Variants in BCKDHB observed in about 807,000 individuals in gnomAD.
BCKDHB encodes branched chain keto acid dehydrogenase E1 subunit beta.
In BCKDHB, 41 loss-of-function variants were observed where a neutral mutation model predicts 48.5. That is an observed-to-expected ratio of 0.85 (90% confidence interval 0.66 to 1.10). BCKDHB has a LOEUF of 1.10. Ranked by LOEUF, BCKDHB falls within the 50% of genes least tolerant of loss-of-function variation. The probability of loss-of-function intolerance (pLI) is 0.00; values close to 1 mark genes in which losing one functional copy is unlikely to be tolerated. For missense variants in BCKDHB, 496 were observed against 494.2 expected (o/e 1.00, Z -0.03); for synonymous variants, 201 against 174.8 (o/e 1.15, Z -1.18).
intron 6 of BCKDHB, among the ~76,000 whole-genome samples, chr6:80,197,748 A>G (rs1774194216): frequency 6.6e-6 from 1 of 152,186 alleles, no homozygotes; most frequent in Admixed American, 6.5e-5. Flanking sequence ...CAGGGGAAAG[A>G]CTTGATGATG....
chr6:80,112,209 T>C (rs182220507), intron 1 of BCKDHB, among the ~76,000 whole-genome samples: 1 of 152,370 alleles, frequency 6.6e-6, no homozygotes, highest in African/African-American at 2.4e-5. Context: ...AATAGCTTTT[T>C]ACCTTGGAAC....
Position 80,171,368 on chromosome 6 carries a change from TA to T in BCKDHB, c.724del (p.Ile242TyrfsTer12). 1 of 1,600,362 alleles carries T rather than the reference TA, an allele frequency of 6.2e-7. No homozygotes were observed. Among genetic ancestry groups the T allele is most frequent in the Non-Finnish European group, 8.5e-7 (1 of 1,171,490 alleles). On this transcript the variant is annotated frameshift_variant, in exon 6 of 10. Transcript: ENST00000320393. LOFTEE classifies it high-confidence loss of function. ...AAAATCCTTGTATATTTTTTGAACC[TA>T]AAATACTTTACAGGGCAGCAGGTAA... is the stretch of plus-strand genomic sequence containing the variant. Reference protein sequence around the residue: ...DKNPCIFFEPKILYRAAAEEV... With the variant: ...DKNPCIFFEPXILYRAAAEEV...
chr6:80,107,376 C>A (rs139459650), intron 1 of BCKDHB, among the ~76,000 whole-genome samples: 1,459 of 143,008 alleles, frequency 0.01, 27 homozygotes, highest in African/African-American at 0.035. Flanking sequence ...AAAATCAATT[C>A]AGTTACTCAG....
chr6:80,177,071 G>C lies in BCKDHB; in HGVS notation c.742+5681G>C, dbSNP rs575905128. On this transcript the variant is annotated intron_variant, in intron 6 of 9. Transcript: ENST00000320393. The stretch of plus-strand genomic sequence containing the variant: ...AAAACCCTGTCTCTACACAAAAAAT[G>C]CAAAATGTAGCCAGGTGTCATGGCA... 2.0e-5 allele frequency among the ~76,000 whole-genome samples: 3 copies of C among 151,280 alleles called. No homozygotes were observed. The East Asian group carries it at 5.9e-4, about 30-fold the overall frequency.
At chr6:80,147,371 G>A (rs1478363535) in intron 3 of BCKDHB, among the ~76,000 whole-genome samples, 2 of 152,140 alleles carry the variant, frequency 1.3e-5, no homozygotes, top group Non-Finnish European at 1.5e-5. Flanking sequence ...AGTGATATAT[G>A]TGCTCAATAA....
the BCKDHB span, among the ~76,000 whole-genome samples, chr6:80,395,669 T>A: frequency 1.3e-5 from 2 of 152,240 alleles, no homozygotes; most frequent in Admixed American, 1.3e-4. Flanking sequence ...GAAATTTGCA[T>A]AAGTAACAAG....
the BCKDHB span, among the ~76,000 whole-genome samples, chr6:80,447,586 A>C: frequency 2.6e-5 from 4 of 151,988 alleles, no homozygotes; most frequent in African/African-American, 9.7e-5. Flanking sequence ...ATGTCCCTAA[A>C]TTTCTTATGC....
chr6:80,409,261 T>C, the BCKDHB span, among the ~76,000 whole-genome samples: 1 of 152,040 alleles, frequency 6.6e-6, no homozygotes, highest in Non-Finnish European at 1.5e-5. Context: ...TTGTGATTTC[T>C]GTTCTGTTAC....
At position 80,344,280 on chromosome 6, in the gene BCKDHB, CA is replaced by C; in HGVS notation, c.*477del. The C allele has an allele frequency of 8.5e-5, 18 of 210,602 alleles. No homozygotes were observed. Among genetic ancestry groups the C allele is most frequent in the South Asian group, 2.4e-4 (3 of 12,510 alleles). 13.0% of individuals were successfully genotyped at this position (210,602 alleles called of 1,614,324 possible). A position where few individuals can be genotyped will look rare whatever the true frequency, so the allele number is the denominator to read the frequency against. ...TTAGCCTCCCAAAGTGCTGGGATTACAGGCATGAGCCACTGCACCTGGCTAT... is the reference window on the plus strand; with the variant it reads ...TTAGCCTCCCAAAGTGCTGGGATTACGGCATGAGCCACTGCACCTGGCTAT... On this transcript the variant is annotated 3_prime_UTR_variant, in exon 10 of 10. Transcript: ENST00000320393.
chr6:80,256,556 C>T, intron 8 of BCKDHB, among the ~76,000 whole-genome samples: 1 of 152,178 alleles, frequency 6.6e-6, no homozygotes, highest in East Asian at 1.9e-4. Flanking sequence ...TATATACACA[C>T]ACATATATAA....
At chr6:80,377,326 G>A in the BCKDHB span, among the ~76,000 whole-genome samples, 3 of 152,124 alleles carry the variant, frequency 2.0e-5, no homozygotes, top group East Asian at 5.8e-4. Context: ...ACAGGCATGA[G>A]CCACCACACC....
In BCKDHB at chr6:80,127,585, A is replaced by G; in HGVS notation, c.235A>G (p.Ser79Gly). 1 of 1,613,476 alleles carries G rather than the reference A, an allele frequency of 6.2e-7. No homozygotes were observed. Among genetic ancestry groups the G allele is most frequent in the Non-Finnish European group, 8.5e-7 (1 of 1,179,562 alleles). The change falls in exon 2 of 10, where the codon AGT becomes GGT. Residue 79 changes from serine to glycine, a missense_variant. By Grantham distance (56) the Ser-to-Gly change is moderately conservative (BLOSUM62 0). Coordinates refer to ENST00000320393, the MANE Select transcript of BCKDHB (RefSeq NM_183050.4). The stretch of plus-strand genomic sequence containing the variant: ...AATGAATCTTTTCCAGTCTGTAACA[A>G]GTGCCTTGGATAACTCATTGGCCAA... ...QKMNLFQSVT[S>G]ALDNSLAKDP...
intron 3 of BCKDHB, among the ~76,000 whole-genome samples, chr6:80,142,459 T>C (rs895838682): frequency 6.6e-6 from 1 of 152,090 alleles, no homozygotes. Flanking sequence ...TATTAAGTAC[T>C]ATAGCTATAT....
At chr6:80,368,376 T>A in the BCKDHB span, among the ~76,000 whole-genome samples, 41 of 152,350 alleles carry the variant, frequency 2.7e-4, no homozygotes, top group East Asian at 7.7e-3. Flanking sequence ...AAATTGAATA[T>A]CTGCCTGCAG....
intron 3 of BCKDHB, among the ~76,000 whole-genome samples, chr6:80,154,514 G>T (rs566180160): frequency 6.6e-6 from 1 of 152,010 alleles, no homozygotes; most frequent in African/African-American, 2.4e-5. Flanking sequence ...GTGACAAACA[G>T]CACTTTGTTC....
At chr6:80,354,588 G>A in the BCKDHB span, among the ~76,000 whole-genome samples, 1 of 152,090 alleles carries the variant, frequency 6.6e-6, no homozygotes, top group Non-Finnish European at 1.5e-5. Flanking sequence ...AATTTGCCTA[G>A]ACCAATGTGC....
chr6:80,356,686 AAAGT>A, the BCKDHB span: 1 of 152,238 alleles, frequency 6.6e-6, no homozygotes, highest in Non-Finnish European at 1.5e-5. Flanking sequence ...TTTATTACAC[AAAGT>A]AATAAAATAT....
At chr6:80,449,365 C>T in the BCKDHB span, among the ~76,000 whole-genome samples, 4 of 152,132 alleles carry the variant, frequency 2.6e-5, no homozygotes, top group Non-Finnish European at 5.9e-5. Context: ...ATGTTCCAAA[C>T]GTGATAATAG....
At chr6:80,332,411 C>T (rs1421402817) in intron 9 of BCKDHB, among the ~76,000 whole-genome samples, 1 of 152,090 alleles carries the variant, frequency 6.6e-6, no homozygotes, top group East Asian at 1.9e-4. Context: ...TCTTTAAATA[C>T]TCCTGAAGTT....
Sources: gnomAD v4.1 joint callset for allele counts (sites outside exome capture counted in the v4.1 genomes callset) on GRCh38, gnomAD v4.1.1 for gene constraint, MANE v1.5 for transcripts, NCBI Gene and HGNC (gene_info 2026-07-23, HGNC 2026-07-21) for gene names.